SV2C: variants seen among roughly 807,000 people sequenced by gnomAD.
The protein encoded by SV2C is solute carrier family 22 member B3.
Under a neutral mutation model 79.7 loss-of-function variants are expected in SV2C, and 49 were observed. The ratio of observed to expected loss-of-function variants is 0.61; its 90% CI spans 0.49 to 0.78. The LOEUF is 0.78. Among genes scored for constraint, SV2C ranks in the 30% least tolerant of loss-of-function variants. SV2C has a pLI of 0.00. For synonymous variants in SV2C, 334 were observed against 333.2 expected, an observed-to-expected ratio of 1.00 and a Z score of -0.03; for missense variants, 833 against 912.9, an observed-to-expected ratio of 0.91 and a Z score of 1.13.
intron 1 of SV2C, 44 bp from the exon 2 acceptor site, chr5:76,131,606 A>G (rs1207278180): frequency 5.8e-6 from 3 of 521,276 alleles, no homozygotes; most frequent in Non-Finnish European, 9.9e-6. Flanking sequence ...AAATATATAT[A>G]TAGAAAGGAA....
At position 76,130,145 on chromosome 5, in the gene SV2C, T is replaced by TAAAA. The variant is rs375351450; in HGVS notation, c.-101-1473_-101-1470dup. Among the ~76,000 whole-genome samples the TAAAA allele has an allele frequency of 7.4e-3, 500 of 67,740 alleles. 6 individuals are homozygous for TAAAA. The highest frequency in any genetic ancestry group is 0.011 in the African/African-American group (124 of 11,436). 44.4% of individuals were successfully genotyped at this position (67,740 alleles called of 152,430 possible). On this transcript the variant is annotated intron_variant, in intron 1 of 12. Coordinates refer to ENST00000502798, the MANE Select transcript of SV2C (RefSeq NM_014979.4). Reference sequence around the variant, plus strand: ...CTCCCTTTCTCTTCCTCTCAGTTCTTAAAAAAAAAAAAAAAAAAAAAAAAA... The same window carrying TAAAA: ...CTCCCTTTCTCTTCCTCTCAGTTCTTAAAAAAAAAAAAAAAAAAAAAAAAAAAAA...
the SV2C span, among the ~76,000 whole-genome samples, chr5:76,033,216 T>C: frequency 2.0e-5 from 3 of 152,022 alleles, no homozygotes; most frequent in Non-Finnish European, 4.4e-5. Flanking sequence ...ACTCTGATGG[T>C]AGTTTCTTTT....
the SV2C span, among the ~76,000 whole-genome samples, chr5:75,884,903 A>G: frequency 6.6e-6 from 1 of 152,142 alleles, no homozygotes; most frequent in African/African-American, 2.4e-5. Context: ...CTGAATCTTC[A>G]GAGTATAATT....
rs1185447676 is a variant in SV2C at position 76,135,867 on chromosome 5, A to T, written c.580+3537A>T. Among the ~76,000 whole-genome samples, 3 of 152,200 alleles carry T rather than the reference A, an allele frequency of 2.0e-5. No individual in the cohort carries two copies. In the East Asian group the frequency reaches 5.8e-4, roughly 29 times the overall value. ...CTAAGATTACCCCTAGGCAGGAAAG[A>T]TGTGCAGCCATTTTCAGCTCAGCCC... On this transcript the variant is annotated intron_variant, in intron 2 of 12. Coordinates refer to ENST00000502798, the MANE Select transcript of SV2C (RefSeq NM_014979.4).
rs951347438 is a variant in SV2C at position 76,174,293 on chromosome 5, G to A, written c.581-20626G>A. The A allele has an allele frequency of 2.0e-5, 21 of 1,072,506 alleles. 1 individual carries two copies. Among genetic ancestry groups the A allele is most frequent in the Middle Eastern group, 2.6e-4 (1 of 3,904 alleles). 66.4% of individuals were successfully genotyped at this position (1,072,506 alleles called of 1,614,324 possible). ...CGCGGGTCGCTACTCTAGGCGCCAC[G>A]GCGGTCCTGCCGCTGCCGCGCCGCT... On this transcript the variant is annotated intron_variant, in intron 2 of 12. Transcript: ENST00000502798.
At chr5:76,052,450 C>A in the SV2C span, among the ~76,000 whole-genome samples, 1 of 152,282 alleles carries the variant, frequency 6.6e-6, no homozygotes, top group African/African-American at 2.4e-5. Context: ...TGGCTCCTGG[C>A]TGACTTCTAT....
At chr5:76,181,098 T>TC (rs56288809) in intron 2 of SV2C, among the ~76,000 whole-genome samples, 105,054 of 151,990 alleles carry the variant, frequency 0.69, 37,451 homozygotes, top group East Asian at 0.97. Context: ...CTCTCAGCCA[T>TC]CCCCCTACCT....
At chr5:76,050,197 A>T in the SV2C span, among the ~76,000 whole-genome samples, 14 of 152,214 alleles carry the variant, frequency 9.2e-5, no homozygotes, top group Admixed American at 1.3e-4. Flanking sequence ...GACATTCGTT[A>T]CATACTGCCC....
chr5:76,233,768 C>A (rs796968257), intron 4 of SV2C, among the ~76,000 whole-genome samples: 2 of 148,902 alleles, frequency 1.3e-5, no homozygotes, highest in Non-Finnish European at 2.9e-5. Flanking sequence ...ATTGAACCAG[C>A]CTTGCATCCC....
chr5:76,155,564 C>T lies in SV2C; in HGVS notation c.580+23234C>T, dbSNP rs376157145. ...GAGACTAAGTTCCAGGCAAGTGCAG[C>T]CCAGAGGTGTGGGGTTCTTTCTTTC... On this transcript the variant is annotated intron_variant, in intron 2 of 12. Transcript: ENST00000502798. Among the ~76,000 whole-genome samples the T allele has an allele frequency of 3.2e-4, 49 of 152,252 alleles. No homozygotes were observed. The South Asian group carries it at 9.1e-3, about 28-fold the overall frequency.
intron 4 of SV2C, among the ~76,000 whole-genome samples, chr5:76,223,934 G>T (rs57837118): frequency 4.6e-5 from 7 of 151,440 alleles, no homozygotes; most frequent in African/African-American, 1.7e-4. Context: ...GTGGTGGGGG[G>T]ATGGGCATCT....
chr5:76,140,307 T>C (rs1749209486), intron 2 of SV2C, among the ~76,000 whole-genome samples: 2 of 152,238 alleles, frequency 1.3e-5, no homozygotes, highest in South Asian at 2.1e-4. Flanking sequence ...CCTTGAAATA[T>C]ACAGAATTCA....
chr5:75,889,800 T>C, the SV2C span, among the ~76,000 whole-genome samples: 6 of 152,108 alleles, frequency 3.9e-5, no homozygotes, highest in Non-Finnish European at 7.4e-5. Flanking sequence ...AGTTCAAAGA[T>C]TGTAAAACAG....
the SV2C span, among the ~76,000 whole-genome samples, chr5:75,950,115 G>T: frequency 6.6e-6 from 1 of 152,038 alleles, no homozygotes; most frequent in East Asian, 1.9e-4. Flanking sequence ...GAGCCCTGGG[G>T]CACTGTTGGT....
chr5:76,134,402 C>T (rs7725212), intron 2 of SV2C, among the ~76,000 whole-genome samples: 2 of 152,104 alleles, frequency 1.3e-5, no homozygotes, highest in African/African-American at 4.8e-5. Context: ...AATTGTTTTG[C>T]CATTTTCATT....
the SV2C span, among the ~76,000 whole-genome samples, chr5:75,970,500 C>T: frequency 6.1e-4 from 93 of 151,918 alleles, no homozygotes; most frequent in Non-Finnish European, 9.3e-4. Flanking sequence ...ATATCACCAC[C>T]GATCCCACAG....
rs2112187400 is a variant in SV2C at position 76,132,024 on chromosome 5, G to A, written c.274G>A (p.Glu92Lys). Residue 92 changes from glutamate (E) to lysine (K), a missense_variant, in exon 2 of 13, where the codon GAG becomes AAG. Physicochemically the swap from Glu to Lys is moderately conservative, Grantham distance 56. Coordinates refer to ENST00000502798, the MANE Select transcript of SV2C (RefSeq NM_014979.4). Reference sequence around the variant, plus strand: ...TGAAGATGATGAGATCTATGAGGGGGAGTATCAGGGCATCCCCAGTATGAA... The same window carrying A: ...TGAAGATGATGAGATCTATGAGGGGAAGTATCAGGGCATCCCCAGTATGAA... Reference protein sequence around the residue: ...HDEDDEIYEGEYQGIPSMNQA... With the variant: ...HDEDDEIYEGKYQGIPSMNQA... 9 of 1,612,936 alleles carry A rather than the reference G, an allele frequency of 5.6e-6. No individual in the cohort carries two copies. The highest frequency in any genetic ancestry group is 7.6e-6 in the Non-Finnish European group (9 of 1,179,382).
chr5:76,036,080 T>C, the SV2C span, among the ~76,000 whole-genome samples: 4 of 152,042 alleles, frequency 2.6e-5, no homozygotes, highest in African/African-American at 4.8e-5. Context: ...TGCCTTTTTT[T>C]GTTTTCCATT....
At chr5:76,049,120 G>A in the SV2C span, among the ~76,000 whole-genome samples, 1 of 151,850 alleles carries the variant, frequency 6.6e-6, no homozygotes, top group Non-Finnish European at 1.5e-5. Context: ...GGTGGATCAC[G>A]AGGTCAAGAG....
Sources: gnomAD v4.1 joint callset for allele counts (sites outside exome capture counted in the v4.1 genomes callset) on GRCh38, gnomAD v4.1.1 for gene constraint, MANE v1.5 for transcripts, NCBI Gene and HGNC (gene_info 2026-07-23, HGNC 2026-07-21) for gene names.